Variants in TMEM116 observed in about 807,000 individuals in gnomAD.
TMEM116 encodes the protein transmembrane protein 116.
Under a neutral mutation model 44.3 loss-of-function variants are expected in TMEM116, and 38 were observed. The ratio of observed to expected loss-of-function variants is 0.86; its 90% CI spans 0.66 to 1.12. The LOEUF (loss-of-function observed/expected upper bound fraction) is 1.12. Ranked by LOEUF, TMEM116 falls within the 50% of genes most tolerant of loss-of-function variation. The probability of loss-of-function intolerance (pLI) is 0.00; values close to 1 mark genes in which losing one functional copy is unlikely to be tolerated. For synonymous variants in TMEM116, 132 were observed against 144.8 expected (o/e 0.91, Z 0.64); for missense variants, 354 against 401.7 (o/e 0.88, Z 1.01).
intron 4 of TMEM116, among the ~76,000 whole-genome samples, chr12:111,956,653 G>A (rs1336882202): frequency 6.6e-6 from 1 of 152,172 alleles, no homozygotes; most frequent in Admixed American, 6.5e-5. Flanking sequence ...GCCTGGGACT[G>A]CAGGTGCGCG....
At chr12:111,973,145 CA>C (rs879861699) in intron 4 of TMEM116, among the ~76,000 whole-genome samples, 27 of 151,852 alleles carry the variant, frequency 1.8e-4, no homozygotes, top group Admixed American at 4.6e-4. Context: ...CTCAAAAAAA[CA>C]AAAAATAAAT....
chr12:111,936,950 T>C, intron 7 of TMEM116, 120 bp from the exon 8 acceptor site: 2 of 1,155,116 alleles, frequency 1.7e-6, no homozygotes, highest in Non-Finnish European at 2.4e-6. Context: ...CATAAAACCT[T>C]GTCTCTCCCC....
chr12:111,991,113 G>A (rs1476953832), intron 4 of TMEM116, among the ~76,000 whole-genome samples: 2 of 151,162 alleles, frequency 1.3e-5, no homozygotes, highest in African/African-American at 2.4e-5. Context: ...CAGCTACTCA[G>A]GAGGCTGAGG....
At position 111,931,468 on chromosome 12, in the gene TMEM116, T is replaced by C; in HGVS notation, c.*153A>G. ...TAACTGGAGAGATACTCCCAATTCATCTAGAATGACTACTAACAATGGCAC... is the reference window on the plus strand; with the variant it reads ...TAACTGGAGAGATACTCCCAATTCACCTAGAATGACTACTAACAATGGCAC... On this transcript the variant is annotated 3_prime_UTR_variant, in exon 11 of 11. Coordinates refer to ENST00000552374, the MANE Select transcript of TMEM116 (RefSeq NM_001193531.2). 1.5e-6 allele frequency: 1 copy of C among 689,268 alleles called. No individual in the cohort carries two copies. The highest frequency in any genetic ancestry group is 2.7e-5 in the Admixed American group (1 of 37,442). The allele number at this position is 689,268 out of a possible 1,614,324, so 42.7% of individuals were successfully genotyped here. A position where few individuals can be genotyped will look rare whatever the true frequency, so the allele number is the denominator to read the frequency against.
At chr12:111,940,523 G>GTATACATATATATATATA (rs2072680909) in intron 5 of TMEM116, among the ~76,000 whole-genome samples, 1 of 104,952 alleles carries the variant, frequency 9.5e-6, no homozygotes, top group South Asian at 2.8e-4. Context: ...ATATATATGT[G>GTATACATATATATATATA]TATATATATA....
intron 4 of TMEM116, among the ~76,000 whole-genome samples, chr12:111,972,510 C>G (rs913701785): frequency 8.5e-5 from 13 of 152,124 alleles, no homozygotes; most frequent in Non-Finnish European, 1.6e-4. Context: ...AATATTCCAG[C>G]CAACAACAGC....
At chr12:111,993,384 C>T in intron 3 of TMEM116, 1 of 543,538 alleles carries the variant, frequency 1.8e-6, no homozygotes, top group Non-Finnish European at 3.7e-6. Context: ...CCACTCCATG[C>T]AGGTGTTCTG....
At chr12:111,993,487 C>T in intron 3 of TMEM116, 2 of 547,990 alleles carry the variant, frequency 3.6e-6, no homozygotes, top group South Asian at 3.1e-5. Context: ...ATTTGGCTGC[C>T]TCTGCCAGTG....
At chr12:111,972,936 G>A (rs1048006651) in intron 4 of TMEM116, among the ~76,000 whole-genome samples, 20 of 149,106 alleles carry the variant, frequency 1.3e-4, no homozygotes, top group East Asian at 6.0e-4. Flanking sequence ...TCAGGAGATC[G>A]AGTTCATCCT....
At chr12:111,979,990 G>A (rs1003789944) in intron 4 of TMEM116, among the ~76,000 whole-genome samples, 2 of 152,168 alleles carry the variant, frequency 1.3e-5, no homozygotes, top group African/African-American at 2.4e-5. Context: ...GAATGAAAGC[G>A]GGTACAGCCA....
chr12:112,003,928 T>C lies in TMEM116; in HGVS notation c.15-65A>G, dbSNP rs138464265. On this transcript the variant is annotated intron_variant, in intron 2 of 10. Coordinates refer to ENST00000552374, the MANE Select transcript of TMEM116 (RefSeq NM_001193531.2). ...AATGGAGTGCCATCGTTTTTGTTAT[T>C]AATTTTGGGTTTTTTTTACAGTTTT... 4 of 1,423,502 alleles carry C rather than the reference T, an allele frequency of 2.8e-6. No homozygotes were observed. In the East Asian group the frequency reaches 8.6e-5, roughly 30 times the overall value. 88.2% of individuals were successfully genotyped at this position (1,423,502 alleles called of 1,614,324 possible).
At chr12:111,950,561 G>A (rs903270038) in intron 4 of TMEM116, among the ~76,000 whole-genome samples, 1 of 151,840 alleles carries the variant, frequency 6.6e-6, no homozygotes, top group Non-Finnish European at 1.5e-5. Context: ...CGACGAAGCT[G>A]ACAAAAACAA....
At position 111,976,094 on chromosome 12, in the gene TMEM116, C is replaced by T. The variant is rs1486639300; in HGVS notation, c.210+15664G>A. On this transcript the variant is annotated intron_variant, in intron 4 of 10. Transcript: ENST00000552374. ...TGCGATCTTGGCTCACTGCAACCTC[C>T]GCCTCCTGGGTTCAAGGGATTCTCC... is the stretch of plus-strand genomic sequence containing the variant. Among the ~76,000 whole-genome samples the T allele has an allele frequency of 2.6e-5, 4 of 151,640 alleles. No homozygotes were observed. In the East Asian group the frequency reaches 5.9e-4, roughly 22 times the overall value.
At chr12:111,959,186 C>T (rs533606418) in intron 4 of TMEM116, among the ~76,000 whole-genome samples, 2 of 152,262 alleles carry the variant, frequency 1.3e-5, no homozygotes, top group Admixed American at 1.3e-4. Context: ...AGAGTGGAGG[C>T]CAATATTCAA....
At chr12:111,964,136 T>TAA (rs556004160) in intron 4 of TMEM116, among the ~76,000 whole-genome samples, 3 of 131,802 alleles carry the variant, frequency 2.3e-5, no homozygotes, top group East Asian at 2.1e-4. Flanking sequence ...AATTTCAGGT[T>TAA]AAAAAAAAAA....
Position 111,938,252 on chromosome 12 carries a change from C to T in TMEM116, c.316-42G>A, listed in dbSNP as rs370967511. On this transcript the variant is annotated intron_variant, in intron 5 of 10. Transcript: ENST00000552374. ...TGTGAGAAATGTCTTAAGACATTGT[C>T]AATCATATAATAATAAATACCAGAT... 4.0e-5 allele frequency: 56 copies of T among 1,382,798 alleles called. No individual in the cohort carries two copies. The African/African-American group carries it at 6.5e-4, about 16-fold the overall frequency. The allele number at this position is 1,382,798 out of a possible 1,614,324, so 85.7% of individuals were successfully genotyped here. A position where few individuals can be genotyped will look rare whatever the true frequency, so the allele number is the denominator to read the frequency against.
At chr12:111,968,178 G>C (rs1477401290) in intron 4 of TMEM116, among the ~76,000 whole-genome samples, 1 of 152,124 alleles carries the variant, frequency 6.6e-6, no homozygotes, top group Non-Finnish European at 1.5e-5. Flanking sequence ...GCTGAAGAAA[G>C]AACCATTGAA....
rs571180510 is a variant in TMEM116 at position 111,931,844 on chromosome 12, G to A, written c.808-17C>T. On this transcript the variant is annotated splice_polypyrimidine_tract_variant and intron_variant, in intron 10 of 10. Transcript: ENST00000552374. The stretch of plus-strand genomic sequence containing the variant: ...CGTTAGAGCCTGGAGGAGATGAAGG[G>A]GTGATGCAGCCCATGCTTCAGGTTT... The A allele has an allele frequency of 1.4e-6, 2 of 1,479,012 alleles. No homozygotes were observed. Among genetic ancestry groups the A allele is most frequent in the East Asian group, 2.5e-5 (1 of 40,564 alleles). 91.6% of individuals were successfully genotyped at this position (1,479,012 alleles called of 1,614,324 possible).
chr12:111,932,628 C>T lies in TMEM116; in HGVS notation c.765G>A (p.Lys255=), dbSNP rs2136215078. 2 of 1,614,166 alleles carry T rather than the reference C, an allele frequency of 1.2e-6. No individual in the cohort carries two copies. The highest frequency in any genetic ancestry group is 1.7e-6 in the Non-Finnish European group (2 of 1,180,028). Reference sequence around the variant, plus strand: ...CCATGTGAAGCTTGGTGTCCTGTGGCTTAGTCAGCTTTATGATCATTAGAA... The same window carrying T: ...CCATGTGAAGCTTGGTGTCCTGTGGTTTAGTCAGCTTTATGATCATTAGAA... ...AVILMIIKLT[K]PQDTKLHMAL... is the part of the protein sequence containing the mutation. The change falls in exon 10 of 11, where the codon AAG becomes AAA. Residue 255 remains lysine, a synonymous_variant. Transcript: ENST00000552374.
Sources: gnomAD v4.1 joint callset for allele counts (sites outside exome capture counted in the v4.1 genomes callset) on GRCh38, gnomAD v4.1.1 for gene constraint, MANE v1.5 for transcripts, NCBI Gene and HGNC (gene_info 2026-07-23, HGNC 2026-07-21) for gene names.